FGF13: variants seen among roughly 807,000 people sequenced by gnomAD.
FGF13 encodes the protein fibroblast growth factor 13.
FGF13 carries 2 observed loss-of-function variants against 19.5 expected under a neutral mutation model. The observed-to-expected ratio is 0.10, with a 90% CI of 0.04 to 0.32. The LOEUF is 0.32. FGF13 is among the 10% of genes least tolerant of loss of function. FGF13 has a pLI of 1.00. For synonymous variants in FGF13, 72 were observed against 76.9 expected, an observed-to-expected ratio of 0.94 and a Z score of 0.33; for missense variants, 113 against 192.7, an observed-to-expected ratio of 0.59 and a Z score of 2.45.
chrX:139,108,138 T>C (rs970555303), intron 1 of FGF13, among the ~76,000 whole-genome samples: 2 of 112,019 alleles, frequency 1.8e-5, no homozygotes, highest in Non-Finnish European at 3.8e-5. Context: ...CATAATGCAG[T>C]TTTGAAGTCC....
chrX:139,027,539 T>C (rs2092205228), intron 1 of FGF13, among the ~76,000 whole-genome samples: 1 of 112,183 alleles, frequency 8.9e-6, no homozygotes, highest in Admixed American at 9.5e-5. Context: ...TACTTTGAAG[T>C]TACCACATGG....
intron 1 of FGF13, among the ~76,000 whole-genome samples, chrX:138,912,587 C>T (rs960551163): frequency 3.6e-5 from 4 of 111,822 alleles, no homozygotes; most frequent in African/African-American, 1.3e-4. Flanking sequence ...AATTGGGTGG[C>T]CTAACGAGCA....
chrX:138,830,854 C>T lies in FGF13; in HGVS notation c.217+26658G>A, dbSNP rs756537915. Among the ~76,000 whole-genome samples the T allele has an allele frequency of 3.3e-4, 36 of 110,645 alleles. 1 individual carries two copies. Among genetic ancestry groups the T allele is most frequent in the Admixed American group, 1.7e-3 (18 of 10,329 alleles). On this transcript the variant is annotated intron_variant, in intron 3 of 6. Transcript: ENST00000436198. ...AGGGAGCAGGTGCTACTTGTCAAGA[C>T]AATGGGAGAAATATCCTGAAGGCAT...
chrX:138,756,033 T>C (rs1001850040), intron 3 of FGF13, among the ~76,000 whole-genome samples: 11 of 111,926 alleles, frequency 9.8e-5, no homozygotes, highest in African/African-American at 3.6e-4. Context: ...AAGAAACGTC[T>C]GTCTGAGAAC....
intron 2 of FGF13, among the ~76,000 whole-genome samples, chrX:138,707,844 T>C (rs2090006641): frequency 8.9e-6 from 1 of 112,324 alleles, no homozygotes; most frequent in Non-Finnish European, 1.9e-5. Context: ...ATTGAGACCC[T>C]CGTCAATGGC....
At chrX:138,833,385 T>C (rs2091088574) in intron 3 of FGF13, among the ~76,000 whole-genome samples, 2 of 112,022 alleles carry the variant, frequency 1.8e-5, no homozygotes, top group Admixed American at 1.9e-4. Context: ...ACGTCAGTCA[T>C]TAGCTATATT....
intron 3 of FGF13, among the ~76,000 whole-genome samples, chrX:138,796,405 C>CT (rs747407786): frequency 8.9e-6 from 1 of 111,874 alleles, no homozygotes; most frequent in Non-Finnish European, 1.9e-5. Flanking sequence ...TGAACTCATT[C>CT]TTTTTTTATG....
rs2089054231 is a variant in FGF13, at chrX:138,625,515, T to TATATATATACATATATATATATAA, written c.*7334_*7335insTTATATATATATATGTATATATAT. 1 of 89,122 alleles carries TATATATATACATATATATATATAA rather than the reference T, an allele frequency of 1.1e-5. No homozygotes were observed. Among genetic ancestry groups the TATATATATACATATATATATATAA allele is most frequent in the Non-Finnish European group, 2.0e-5 (1 of 49,709 alleles). 7.3% of individuals were successfully genotyped at this position (89,122 alleles called of 1,213,427 possible). A position where few individuals can be genotyped will look rare whatever the true frequency, so the allele number is the denominator to read the frequency against. Reference sequence around the variant, plus strand: ...TATATATACATATATATATATAATATAATATATATATATATCTTAGCCATA... The same window carrying TATATATATACATATATATATATAA: ...TATATATACATATATATATATAATATATATATATACATATATATATATAAAATATATATATATATCTTAGCCATA... On this transcript the variant is annotated 3_prime_UTR_variant, in exon 5 of 5. Transcript: ENST00000315930.
intron 1 of FGF13, among the ~76,000 whole-genome samples, chrX:139,110,799 T>C (rs1742485311): frequency 8.9e-6 from 1 of 111,847 alleles, no homozygotes; most frequent in Non-Finnish European, 1.9e-5. Context: ...GACTTATTTT[T>C]GAGGTGTTGA....
At chrX:138,828,813 T>C (rs1221135355) in intron 3 of FGF13, among the ~76,000 whole-genome samples, 3 of 110,418 alleles carry the variant, frequency 2.7e-5, no homozygotes, top group African/African-American at 6.6e-5. Flanking sequence ...AACAGTAGCA[T>C]TGTGGTCTTC....
intron 1 of FGF13, among the ~76,000 whole-genome samples, chrX:138,993,709 C>T (rs768751830): frequency 3.6e-5 from 4 of 111,922 alleles, no homozygotes; most frequent in Admixed American, 2.8e-4. Flanking sequence ...CACATGATAG[C>T]TATATGATCT....
intron 3 of FGF13, among the ~76,000 whole-genome samples, chrX:138,647,747 T>C (rs1182485486): frequency 8.9e-6 from 1 of 112,364 alleles, no homozygotes; most frequent in Non-Finnish European, 1.9e-5. Context: ...TAAGTATCAC[T>C]GTAGCTGAAA....
chrX:138,711,421 G>A lies in FGF13; in HGVS notation c.-418C>T. 1 of 663,418 alleles carries A rather than the reference G, an allele frequency of 1.5e-6. No individual in the cohort carries two copies. The highest frequency in any genetic ancestry group is 2.4e-5 in the African/African-American group (1 of 42,538). The allele number at this position is 663,418 out of a possible 1,213,427, so 54.7% of individuals were successfully genotyped here. A position where few individuals can be genotyped will look rare whatever the true frequency, so the allele number is the denominator to read the frequency against. On this transcript the variant is annotated 5_prime_UTR_variant, in exon 1 of 5. Coordinates refer to ENST00000315930, the MANE Select transcript of FGF13 (RefSeq NM_004114.5). ...CCCTTCTGATGGGGGCCAGAGGAGG[G>A]AGGCGGGCGGAGGGAGTGAGCGCGG...
chrX:138,783,937 T>C (rs1252395967), intron 3 of FGF13, among the ~76,000 whole-genome samples: 1 of 105,401 alleles, frequency 9.5e-6, no homozygotes, highest in Non-Finnish European at 1.9e-5. Flanking sequence ...AATGATAGAC[T>C]GGATTAAGAA....
At chrX:138,889,245 A>G (rs182031049) in intron 1 of FGF13, among the ~76,000 whole-genome samples, 2 of 111,848 alleles carry the variant, frequency 1.8e-5, no homozygotes, top group African/African-American at 6.5e-5. Flanking sequence ...TAGTAACACA[A>G]AGCATTTCTT....
chrX:139,036,384 T>C lies in FGF13; in HGVS notation c.-113+167032A>G, dbSNP rs749133647. Among the ~76,000 whole-genome samples, 18 of 111,701 alleles carry C rather than the reference T, an allele frequency of 1.6e-4. 1 individual carries two copies. The East Asian group carries it at 5.1e-3, about 32-fold the overall frequency. Reference sequence around the variant, plus strand: ...GGAGTTTCTACGTTTCTACTTCTTCTTATCATCTACAGTGAAAGTCTGCAG... The same window carrying C: ...GGAGTTTCTACGTTTCTACTTCTTCCTATCATCTACAGTGAAAGTCTGCAG... On this transcript the variant is annotated intron_variant, in intron 1 of 2. Coordinates refer to the FGF13 transcript ENST00000421460.
chrX:139,016,582 G>C (rs1439492699), intron 1 of FGF13, among the ~76,000 whole-genome samples: 2 of 112,265 alleles, frequency 1.8e-5, no homozygotes, highest in Non-Finnish European at 3.8e-5. Flanking sequence ...AAAGCAAAGG[G>C]AGGAGGAAAG....
chrX:138,684,663 A>G (rs1348456707), intron 3 of FGF13, among the ~76,000 whole-genome samples: 6 of 111,917 alleles, frequency 5.4e-5, no homozygotes, highest in Non-Finnish European at 1.1e-4. Flanking sequence ...TATTACACAC[A>G]TTGTGCGTCA....
chrX:138,692,557 T>C (rs1012324639), intron 3 of FGF13, among the ~76,000 whole-genome samples: 3 of 111,519 alleles, frequency 2.7e-5, no homozygotes, highest in Non-Finnish European at 5.7e-5. Context: ...TTACCAAATA[T>C]GTTGCTAGAG....
Sources: allele counts gnomAD v4.1 joint callset (sites outside exome capture counted in the v4.1 genomes callset), GRCh38; gene constraint gnomAD v4.1.1; transcripts MANE v1.5; gene names NCBI Gene and HGNC (gene_info 2026-07-23, HGNC 2026-07-21).